Variants in DYSF observed in about 807,000 individuals in gnomAD.
DYSF encodes dysferlin.
In DYSF, 212 loss-of-function variants were observed where a neutral mutation model predicts 274.9. The ratio of observed to expected loss-of-function variants is 0.77; its 90% confidence interval spans 0.69 to 0.86. DYSF has a LOEUF of 0.86. Among genes scored for constraint, DYSF ranks in the 40% least tolerant of loss-of-function variants. The pLI, the probability that DYSF is intolerant of heterozygous loss-of-function variation, is 0.00. For missense variants in DYSF, 2,666 were observed against 2,783.2 expected, an observed-to-expected ratio of 0.96 and a Z score of 0.95; for synonymous variants, 1,091 against 1,078.7, an observed-to-expected ratio of 1.01 and a Z score of -0.22.
intron 48 of DYSF, among the ~76,000 whole-genome samples, 183 bp downstream of exon 48, chr2:71,667,698 G>T (rs1037015687): frequency 3.9e-5 from 6 of 152,152 alleles, no homozygotes; most frequent in Non-Finnish European, 5.9e-5. Flanking sequence ...TTAGGTCCTG[G>T]CTTCCTCTGG....
intron 1 of DYSF, among the ~76,000 whole-genome samples, chr2:71,456,043 A>G (rs778733079): frequency 2.6e-5 from 4 of 152,136 alleles, no homozygotes; most frequent in Non-Finnish European, 5.9e-5. Context: ...TTCAGCCCCA[A>G]GGGCCTGTGT....
chr2:71,564,264 C>T (rs1194595144), intron 24 of DYSF, 51 bp downstream of exon 24: 3 of 1,608,434 alleles, frequency 1.9e-6, no homozygotes, highest in Non-Finnish European at 2.6e-6. Flanking sequence ...CAACATAAGG[C>T]CTTTCTCCCA....
intron 3 of DYSF, among the ~76,000 whole-genome samples, 185 bp from the exon 4 acceptor site, chr2:71,503,029 G>A (rs749536425): frequency 2.0e-5 from 3 of 152,152 alleles, no homozygotes; most frequent in Non-Finnish European, 4.4e-5. Flanking sequence ...CTAGGGGCCA[G>A]GCCTTCCAGG....
At chr2:71,487,726 C>CT (rs1424576832) in intron 3 of DYSF, among the ~76,000 whole-genome samples, 3 of 152,196 alleles carry the variant, frequency 2.0e-5, no homozygotes, top group African/African-American at 7.2e-5. Flanking sequence ...TCAGGCTGGT[C>CT]TTGAACTCCT....
chr2:71,535,213 G>T (rs370051609), intron 15 of DYSF, 55 bp from the exon 16 acceptor site: 198 of 1,601,842 alleles, frequency 1.2e-4, no homozygotes, highest in Non-Finnish European at 1.3e-4. Flanking sequence ...GTAGGGAGGG[G>T]CTGTTCTATC....
At chr2:71,506,682 T>C (rs1288714036) in intron 4 of DYSF, among the ~76,000 whole-genome samples, 2 of 152,210 alleles carry the variant, frequency 1.3e-5, no homozygotes, top group Non-Finnish European at 1.5e-5. Context: ...TGTGATGTCA[T>C]GGTGAGGGTA....
intron 41 of DYSF, among the ~76,000 whole-genome samples, chr2:71,637,810 T>C (rs572532983): frequency 1.3e-5 from 2 of 152,304 alleles, no homozygotes; most frequent in African/African-American, 4.8e-5. Flanking sequence ...TTAGTTAATA[T>C]GTAAATCATG....
intron 40 of DYSF, among the ~76,000 whole-genome samples, chr2:71,618,939 G>GCTAATTTTGAGC (rs1292662101): frequency 2.6e-5 from 4 of 151,480 alleles, no homozygotes; most frequent in African/African-American, 7.3e-5. Flanking sequence ...TGGGGCTGGG[G>GCTAATTTTGAGC]CTAATTTTGA....
At chr2:71,552,902 C>G (rs2091049756) in intron 19 of DYSF, 109 bp from the exon 20 acceptor site, 1 of 1,119,038 alleles carries the variant, frequency 8.9e-7, no homozygotes, top group Non-Finnish European at 1.3e-6. Context: ...CAGCCAGGAG[C>G]TATTGGGTGC....
At chr2:71,461,157 C>G (rs1034948118) in intron 1 of DYSF, among the ~76,000 whole-genome samples, 2 of 152,090 alleles carry the variant, frequency 1.3e-5, no homozygotes, top group African/African-American at 4.8e-5. Context: ...GACTTGGTCT[C>G]TCCCCTCGTT....
At chr2:71,630,183 C>G (rs2094289754) in intron 41 of DYSF, among the ~76,000 whole-genome samples, 2 of 152,058 alleles carry the variant, frequency 1.3e-5, no homozygotes, top group Admixed American at 1.3e-4. Flanking sequence ...CAAACTCAGA[C>G]AAAAAGAAGA....
Position 71,466,798 on chromosome 2 carries a change from T to C in DYSF, c.-45T>C. The C allele has an allele frequency of 6.8e-7, 1 of 1,480,784 alleles. No individual in the cohort carries two copies. Among genetic ancestry groups the C allele is most frequent in the Non-Finnish European group, 9.1e-7 (1 of 1,101,778 alleles). The allele number at this position is 1,480,784 out of a possible 1,614,324, so 91.7% of individuals were successfully genotyped here. On this transcript the variant is annotated 5_prime_UTR_variant, in exon 1 of 56. Transcript: ENST00000410020. ...GGGTGCTCGGGCCCGGTGCTCCCGC[T>C]CCCGCCCTGACTGCGCGCCTGTGTG...
In DYSF at chr2:71,611,559, A is replaced by G. The variant is rs1332205973; in HGVS notation, c.4154A>G (p.Gln1385Arg). 6.2e-7 allele frequency: 1 copy of G among 1,614,050 alleles called. No individual in the cohort carries two copies. The highest frequency in any genetic ancestry group is 1.7e-5 in the Admixed American group (1 of 60,022). ...GTAGAGTGTGGGGGCCAGACGGTGC[A>G]GTCCTGTGTCATCAGGAACCTCCGG... ...LVVECGGQTV[Q>R]SCVIRNLRKN... Residue 1385 changes from glutamine to arginine, a missense_variant, in exon 38 of 56, where the codon CAG (glutamine) becomes CGG (arginine). Physicochemically the swap from Gln to Arg is conservative, Grantham distance 43 (BLOSUM62 1). This residue lies in a region of DYSF where 1,460 missense variants were observed against 1,502.1 expected (regional missense o/e 0.97). Transcript: ENST00000410020.
chr2:71,607,596 C>G (rs1428081089), intron 36 of DYSF, among the ~76,000 whole-genome samples: 1 of 152,128 alleles, frequency 6.6e-6, no homozygotes, highest in Admixed American at 6.6e-5. Flanking sequence ...AAGGGGGATG[C>G]TGGTGAATCC....
chr2:71,466,915 G>C lies in DYSF; in HGVS notation c.73G>C (p.Ala25Pro). The C allele has an allele frequency of 6.5e-7, 1 of 1,550,044 alleles. No homozygotes were observed. The highest frequency in any genetic ancestry group is 8.7e-7 in the Non-Finnish European group (1 of 1,145,878). ...GAAGGACCGGCGCAGCGACCCTGTCGCAAGCCTGACTTTCCGAGGTGAGAG... is the reference window on the plus strand; with the variant it reads ...GAAGGACCGGCGCAGCGACCCTGTCCCAAGCCTGACTTTCCGAGGTGAGAG... ...AKKDRRSDPV[A>P]SLTFRGVKKR... The change falls in exon 1 of 56, where the codon GCA becomes CCA. Residue 25 changes from alanine to proline, a missense_variant. By Grantham distance (27) the Ala-to-Pro change is conservative. This residue lies in a region of DYSF where 794 missense variants were observed against 777.1 expected (regional missense o/e 1.02). Coordinates refer to ENST00000410020, the MANE Select transcript of DYSF (RefSeq NM_001130987.2).
rs566752767 is a variant in DYSF at position 71,674,143 on chromosome 2, G to T, written c.5785-54G>T. The T allele has an allele frequency of 1.9e-6, 3 of 1,544,184 alleles. No individual in the cohort carries two copies. In the South Asian group the frequency reaches 3.4e-5, roughly 17 times the overall value. ...GCCTTCCAGGCTGGAAGGGAACACT[G>T]CCTCTCTCTAACCTTGCTTCCTTGC... On this transcript the variant is annotated intron_variant, in intron 51 of 55. Transcript: ENST00000410020.
At chr2:71,551,199 C>G in intron 18 of DYSF, 43 bp downstream of exon 18, 1 of 1,599,828 alleles carries the variant, frequency 6.3e-7, no homozygotes, top group Non-Finnish European at 8.6e-7. Context: ...TGCCAGATGC[C>G]CAGGTCCCTC....
intron 41 of DYSF, among the ~76,000 whole-genome samples, chr2:71,626,986 G>T (rs2152903716): frequency 6.6e-6 from 1 of 151,336 alleles, no homozygotes; most frequent in Admixed American, 6.6e-5. Flanking sequence ...TTTTCAAAAA[G>T]AATTTCTTCT....
chr2:71,618,594 TGGTAGAG>T (rs2094001413), intron 40 of DYSF, among the ~76,000 whole-genome samples: 3 of 58,672 alleles, frequency 5.1e-5, no homozygotes, highest in East Asian at 6.7e-4. Context: ...TGTGTGTGTG[TGGTAGAG>T]GTGGTGGGTG....
Sources: gnomAD v4.1 joint callset for allele counts (sites outside exome capture counted in the v4.1 genomes callset) on GRCh38, gnomAD v4.1.1 for gene constraint, gnomAD v4.1.1 regional missense constraint, MANE v1.5 for transcripts, NCBI Gene and HGNC (gene_info 2026-07-23, HGNC 2026-07-21) for gene names.